INSIG1: variants seen among roughly 807,000 people sequenced by gnomAD.
INSIG1 encodes insulin induced gene 1, also known as insulin-induced gene 1 protein.
A neutral mutation model predicts 26.5 loss-of-function variants in INSIG1; 14 were observed. That is an observed-to-expected ratio of 0.53 (90% CI 0.35 to 0.83). The LOEUF is 0.83. INSIG1 is among the 40% of genes least tolerant of loss of function. The pLI is 0.01. For synonymous variants in INSIG1, 147 were observed against 153.3 expected, an observed-to-expected ratio of 0.96 and a Z score of 0.30; for missense variants, 272 against 368.9, an observed-to-expected ratio of 0.74 and a Z score of 2.15.
chr7:155,303,561 C>T (rs955808269), intron 5 of INSIG1, among the ~76,000 whole-genome samples: 6 of 152,292 alleles, frequency 3.9e-5, no homozygotes, highest in African/African-American at 1.4e-4. Flanking sequence ...CTCTCACAGC[C>T]CCCCTGAGGG....
intron 5 of INSIG1, among the ~76,000 whole-genome samples, chr7:155,304,273 A>G (rs1270268325): frequency 6.6e-6 from 1 of 152,162 alleles, no homozygotes; most frequent in East Asian, 1.9e-4. Context: ...TTTTAATATT[A>G]AAAATCTGGT....
In INSIG1 at chr7:155,306,220, G is replaced by A. The variant is rs1359828889; in HGVS notation, c.805-2021G>A. ...TCGCCACGTTGGCCAGGCTGGTCTC[G>A]AACTCCTGACCTCAGGTGATCCACC... On this transcript the variant is annotated intron_variant, in intron 5 of 5. Coordinates refer to ENST00000340368, the MANE Select transcript of INSIG1 (RefSeq NM_005542.6). Among the ~76,000 whole-genome samples the A allele has an allele frequency of 2.6e-5, 4 of 152,132 alleles. No homozygotes were observed. The East Asian group carries it at 7.7e-4, about 29-fold the overall frequency.
intron 5 of INSIG1, among the ~76,000 whole-genome samples, chr7:155,306,842 C>T (rs539025960): frequency 3.3e-5 from 5 of 152,318 alleles, no homozygotes; most frequent in African/African-American, 9.6e-5. Flanking sequence ...AGCAGGTTTA[C>T]AGCAGCCTGT....
At chr7:155,299,354 C>G (rs1474397342) in intron 2 of INSIG1, among the ~76,000 whole-genome samples, 2 of 152,202 alleles carry the variant, frequency 1.3e-5, no homozygotes, top group African/African-American at 4.8e-5. Flanking sequence ...CAACGTAACA[C>G]TGAGTCAGTC....
intron 3 of INSIG1, 105 bp downstream of exon 3, chr7:155,301,795 A>G: frequency 2.7e-6 from 3 of 1,112,846 alleles, no homozygotes; most frequent in Non-Finnish European, 2.4e-6. Context: ...TAATACAGAC[A>G]TGATGGTGGT....
chr7:155,298,320 C>T lies in INSIG1; in HGVS notation c.35C>T (p.Ser12Phe). 2 of 1,510,188 alleles carry T rather than the reference C, an allele frequency of 1.3e-6. No homozygotes were observed. The highest frequency in any genetic ancestry group is 1.8e-6 in the Non-Finnish European group (2 of 1,137,986). The allele number at this position is 1,510,188 out of a possible 1,614,324, so 93.5% of individuals were successfully genotyped here. The change falls in exon 2 of 6, where the codon TCC (serine) becomes TTC (phenylalanine). Residue 12 changes from serine to phenylalanine, a missense_variant. Transcript: ENST00000340368. ...TTGCACGACCACTTCTGGAGCTGCTCCTGTGCGCACAGCGCGAGGCGCCGA... is the reference window on the plus strand; with the variant it reads ...TTGCACGACCACTTCTGGAGCTGCTTCTGTGCGCACAGCGCGAGGCGCCGA... ...PRLHDHFWSCSCAHSARRRGP... is the reference protein window; with the variant it reads ...PRLHDHFWSCFCAHSARRRGP...
At chr7:155,305,771 G>A (rs1797919996) in intron 5 of INSIG1, among the ~76,000 whole-genome samples, 1 of 152,144 alleles carries the variant, frequency 6.6e-6, no homozygotes, top group Admixed American at 6.5e-5. Context: ...CTCTTCAGAT[G>A]CCTTTGTTCT....
Position 155,302,685 on chromosome 7 carries a change from G to A in INSIG1, c.705-62G>A. 1.7e-6 allele frequency: 2 copies of A among 1,142,866 alleles called. No homozygotes were observed. Among genetic ancestry groups the A allele is most frequent in the Non-Finnish European group, 2.7e-6 (2 of 753,878 alleles). The allele number at this position is 1,142,866 out of a possible 1,614,324, so 70.8% of individuals were successfully genotyped here. ...TGCATATCCCCACTACAGAGAATCT[G>A]TGATGTAGAATTGAGCCAGGTGAAA... On this transcript the variant is annotated intron_variant, in intron 4 of 5. Transcript: ENST00000340368. This position sits in a 1 kb window ranked among gnomAD's most constrained non-coding sequence, Gnocchi z 4.3.
At chr7:155,303,213 T>C (rs1797836918) in intron 5 of INSIG1, among the ~76,000 whole-genome samples, 1 of 152,228 alleles carries the variant, frequency 6.6e-6, no homozygotes, top group Non-Finnish European at 1.5e-5. Context: ...CCTCATGCAG[T>C]GATACTTTGC....
chr7:155,301,497 T>C, intron 2 of INSIG1, 69 bp from the exon 3 acceptor site: 2 of 1,465,514 alleles, frequency 1.4e-6, no homozygotes, highest in Non-Finnish European at 9.3e-7. Context: ...ACTGTGTTAC[T>C]AATGACCACG....
rs928416631 is a variant in INSIG1, at chr7:155,298,438, C to T, written c.153C>T (p.His51=). Residue 51 remains histidine (H), a synonymous_variant, in exon 2 of 6, where the codon CAC becomes CAT. Transcript: ENST00000340368. ...SVSGPSLLAA[H]GAPDADPAPR... ...CCGGGCCCTCCCTGCTGGCGGCCCA[C>T]GGTGCCCCGGACGCTGACCCCGCGC... 4 of 1,554,536 alleles carry T rather than the reference C, an allele frequency of 2.6e-6. No homozygotes were observed. In the African/African-American group the frequency reaches 4.1e-5, roughly 16 times the overall value.
At position 155,302,414 on chromosome 7, in the gene INSIG1, A is replaced by G. The variant is rs116500782; in HGVS notation, c.701A>G (p.Tyr234Cys). The G allele has an allele frequency of 3.8e-5, 60 of 1,587,960 alleles. No homozygotes were observed. In the East Asian group the frequency reaches 4.3e-4, roughly 11 times the overall value. The stretch of plus-strand genomic sequence containing the variant: ...CAGTTTCTCGTGTATAATGGTGTCT[A>G]TCAGTAAGTGTGTGTTTTCAAATAT... ...ITQFLVYNGV[Y>C]QYTSPDFLYI... The change falls in exon 4 of 6, where the codon TAT (tyrosine) becomes TGT (cysteine). Residue 234 changes from tyrosine (Y) to cysteine (C), a missense_variant. Tyr to Cys is a radical substitution (Grantham distance 194). Coordinates refer to ENST00000340368, the MANE Select transcript of INSIG1 (RefSeq NM_005542.6). This position sits in a 1 kb window ranked among gnomAD's most constrained non-coding sequence, Gnocchi z 4.3.
At chr7:155,304,479 A>G (rs933937306) in intron 5 of INSIG1, among the ~76,000 whole-genome samples, 1 of 152,250 alleles carries the variant, frequency 6.6e-6, no homozygotes, top group Non-Finnish European at 1.5e-5. Context: ...CTAATTACAC[A>G]TTATAACTAC....
intron 5 of INSIG1, among the ~76,000 whole-genome samples, chr7:155,303,272 A>T (rs914907196): frequency 6.6e-6 from 1 of 152,226 alleles, no homozygotes; most frequent in Non-Finnish European, 1.5e-5. Flanking sequence ...ATCAGAGTGG[A>T]TGCAGATGAT....
rs537112609 is a variant in INSIG1, at chr7:155,309,753, T to G, written c.*1483T>G. On this transcript the variant is annotated 3_prime_UTR_variant, in exon 6 of 6. Coordinates refer to ENST00000340368, the MANE Select transcript of INSIG1 (RefSeq NM_005542.6). ...AAATGTCTTGGAGTAAATTTTAAGT[T>G]CCTGGAGTTAATTTGTTTTACAGGA... The G allele has an allele frequency of 5.3e-5, 8 of 152,342 alleles. No individual in the cohort carries two copies. Among genetic ancestry groups the G allele is most frequent in the Admixed American group, 4.6e-4 (7 of 15,306 alleles). The allele number at this position is 152,342 out of a possible 1,614,324, so 9.4% of individuals were successfully genotyped here.
intron 2 of INSIG1, 142 bp downstream of exon 2, chr7:155,298,839 G>T: frequency 1.1e-6 from 1 of 947,326 alleles, no homozygotes; most frequent in Non-Finnish European, 1.5e-6. Flanking sequence ...GGGATTTAGA[G>T]AAATGAAGGA....
In INSIG1 at chr7:155,302,808, G is replaced by A; in HGVS notation, c.766G>A (p.Gly256Ser). The A allele has an allele frequency of 6.2e-7, 1 of 1,612,492 alleles. No homozygotes were observed. Among genetic ancestry groups the A allele is most frequent in the Non-Finnish European group, 8.5e-7 (1 of 1,178,630 alleles). ...GCTCCCTTGTATATTTTTCTCAGGAGGCGTCACGGTGGGGAACATAGGACG... is the reference window on the plus strand; with the variant it reads ...GCTCCCTTGTATATTTTTCTCAGGAAGCGTCACGGTGGGGAACATAGGACG... ...SWLPCIFFSGGVTVGNIGRQL... is the reference protein window; with the variant it reads ...SWLPCIFFSGSVTVGNIGRQL... Residue 256 changes from glycine to serine, a missense_variant, in exon 5 of 6, where the codon GGC (glycine) becomes AGC (serine). Gly to Ser is a moderately conservative substitution (Grantham distance 56). Around this residue, in one of 2 missense-constraint regions of INSIG1, gnomAD observed 111 missense variants for 189.8 expected, o/e 0.58. Coordinates refer to ENST00000340368, the MANE Select transcript of INSIG1 (RefSeq NM_005542.6). The surrounding 1 kb of genome is among the most constrained non-coding windows in gnomAD (Gnocchi z 4.3).
intron 5 of INSIG1, among the ~76,000 whole-genome samples, chr7:155,304,362 T>C (rs1420640417): frequency 2.0e-5 from 3 of 152,262 alleles, no homozygotes; most frequent in Non-Finnish European, 2.9e-5. Context: ...AAAGGAGAGC[T>C]GGCAACTCCA....
chr7:155,297,966 G>T lies in INSIG1; in HGVS notation c.-28+7G>T, dbSNP rs1255972656. On this transcript the variant is annotated splice_region_variant and intron_variant, in intron 1 of 5. Transcript: ENST00000340368. ...GCGGGCGCCTCTCGGCCAGGTACGC[G>T]GCCGGCTGGGATAGGGGTCGCGGGC... is the stretch of plus-strand genomic sequence containing the variant. The T allele has an allele frequency of 8.7e-6, 2 of 229,770 alleles. No homozygotes were observed. The highest frequency in any genetic ancestry group is 1.7e-5 in the Non-Finnish European group (2 of 119,092). 14.2% of individuals were successfully genotyped at this position (229,770 alleles called of 1,614,324 possible).
Sources: allele counts gnomAD v4.1 joint callset (sites outside exome capture counted in the v4.1 genomes callset), GRCh38; gene constraint gnomAD v4.1.1; regional missense constraint gnomAD v4.1.1; non-coding constraint Gnocchi (gnomAD v3.1); transcripts MANE v1.5; gene names NCBI Gene and HGNC (gene_info 2026-07-23, HGNC 2026-07-21).